Variants in ELP1 observed in about 807,000 individuals in gnomAD.
ELP1 encodes the protein elongator complex protein 1.
In ELP1, 131 loss-of-function variants were observed where a neutral mutation model predicts 183.2. The ratio of observed to expected loss-of-function variants is 0.72; its 90% CI spans 0.62 to 0.83. The LOEUF is 0.83. Among genes scored for constraint, ELP1 ranks in the 40% least tolerant of loss-of-function variants. ELP1 has a pLI of 0.00. For synonymous variants in ELP1, 555 were observed against 569.0 expected (o/e 0.98, Z 0.35); for missense variants, 1,550 against 1,594.9 (o/e 0.97, Z 0.48).
intron 5 of ELP1, 71 bp downstream of exon 5, chr9:108,926,452 T>C: frequency 3.6e-6 from 4 of 1,126,096 alleles, no homozygotes; most frequent in Non-Finnish European, 4.0e-6. Context: ...ACATGGCTAT[T>C]AGTGCACAAG....
chr9:108,920,957 ATCT>A (rs1484682047), intron 6 of ELP1, among the ~76,000 whole-genome samples: 2 of 152,120 alleles, frequency 1.3e-5, no homozygotes, highest in African/African-American at 2.4e-5. Context: ...GTAAAGTGTC[ATCT>A]TCTCCAGAGT....
At chr9:108,885,727 C>T (rs531607208) in intron 29 of ELP1, among the ~76,000 whole-genome samples, 5 of 152,178 alleles carry the variant, frequency 3.3e-5, no homozygotes, top group Non-Finnish European at 5.9e-5. Flanking sequence ...AGGGAAAGCA[C>T]CAACTCTCTC....
rs557977597 is a variant in ELP1, at chr9:108,886,208, G to A, written c.3222+3124C>T. Among the ~76,000 whole-genome samples the A allele has an allele frequency of 3.3e-5, 5 of 152,202 alleles. No individual in the cohort carries two copies. The South Asian group carries it at 1.0e-3, about 32-fold the overall frequency. On this transcript the variant is annotated intron_variant, in intron 29 of 36. Coordinates refer to ENST00000374647, the MANE Select transcript of ELP1 (RefSeq NM_003640.5). ...CTAGGTAAAGTCTGTAATTGTTTAT[G>A]GTCAGGTCTGAAACATCACACATAG...
intron 16 of ELP1, among the ~76,000 whole-genome samples, chr9:108,902,383 G>C (rs571318865): frequency 1.3e-5 from 2 of 152,194 alleles, no homozygotes; most frequent in Non-Finnish European, 2.9e-5. Flanking sequence ...CCAACAAAGG[G>C]AATCATTACA....
At position 108,917,467 on chromosome 9, in the gene ELP1, CAA is replaced by C. The variant is rs34189987; in HGVS notation, c.864+78_864+79del. 0.049 allele frequency: 57,583 copies of C among 1,166,378 alleles called. 172 individuals carry two copies. The highest frequency in any genetic ancestry group is 0.11 in the African/African-American group (6,393 of 57,862). 72.3% of individuals were successfully genotyped at this position (1,166,378 alleles called of 1,614,324 possible). On this transcript the variant is annotated intron_variant, in intron 9 of 36. Coordinates refer to ENST00000374647, the MANE Select transcript of ELP1 (RefSeq NM_003640.5). Reference sequence around the variant, plus strand: ...GGGCAACAAGAATGAAACTCCATCTCAAAAAAAAAAAAAAAAAATTCCCTCTA... The same window carrying C: ...GGGCAACAAGAATGAAACTCCATCTCAAAAAAAAAAAAAAAATTCCCTCTA...
At chr9:108,902,506 G>A (rs1275458957) in intron 16 of ELP1, among the ~76,000 whole-genome samples, 5 of 152,150 alleles carry the variant, frequency 3.3e-5, no homozygotes, top group African/African-American at 1.2e-4. Flanking sequence ...AGTATGTGTT[G>A]AATAAAAATC....
intron 12 of ELP1, 54 bp from the exon 13 acceptor site, chr9:108,908,458 T>C (rs1587904804): frequency 1.5e-6 from 2 of 1,315,130 alleles, no homozygotes; most frequent in Admixed American, 1.7e-5. Context: ...TTTCACCTAA[T>C]ACTAAGGGGA....
rs370384351 is a variant in ELP1 at position 108,927,458 on chromosome 9, G to A, written c.304-5C>T. Reference sequence around the variant, plus strand: ...TACACTCCCAACACACTCCAGCTGAGACAGAGAAAATTGAAAAGAGAGATT... The same window carrying A: ...TACACTCCCAACACACTCCAGCTGAAACAGAGAAAATTGAAAAGAGAGATT... On this transcript the variant is annotated splice_region_variant and splice_polypyrimidine_tract_variant and intron_variant, in intron 3 of 36. Coordinates refer to ENST00000374647, the MANE Select transcript of ELP1 (RefSeq NM_003640.5). 131 of 1,611,386 alleles carry A rather than the reference G, an allele frequency of 8.1e-5. No homozygotes were observed. Among genetic ancestry groups the A allele is most frequent in the Non-Finnish European group, 1.1e-4 (124 of 1,177,786 alleles).
intron 15 of ELP1, 49 bp from the exon 16 acceptor site, chr9:108,902,991 A>G: frequency 1.4e-6 from 2 of 1,384,358 alleles, no homozygotes; most frequent in Non-Finnish European, 2.1e-6. Context: ...CGCTCTTTGC[A>G]AAAAACCATC....
intron 27 of ELP1, 146 bp downstream of exon 27, chr9:108,892,840 C>G: frequency 2.9e-6 from 2 of 700,394 alleles, no homozygotes; most frequent in South Asian, 3.0e-5. Context: ...GGACCATTCT[C>G]CCAGATAAGA....
chr9:108,926,932 C>T (rs1829841301), intron 4 of ELP1, among the ~76,000 whole-genome samples: 1 of 152,146 alleles, frequency 6.6e-6, no homozygotes, highest in African/African-American at 2.4e-5. Flanking sequence ...GTTTACTAAA[C>T]TCATCTGGAA....
intron 25 of ELP1, among the ~76,000 whole-genome samples, chr9:108,895,663 A>G (rs1828515765): frequency 6.6e-6 from 1 of 152,222 alleles, no homozygotes; most frequent in Admixed American, 6.5e-5. Context: ...CTCATGAAGT[A>G]TTTTAAGCAG....
chr9:108,890,364 C>T (rs1828277213), intron 28 of ELP1, among the ~76,000 whole-genome samples: 1 of 152,120 alleles, frequency 6.6e-6, no homozygotes, highest in African/African-American at 2.4e-5. Flanking sequence ...CAAAGAAGGA[C>T]TGGTACATAA....
In ELP1 at chr9:108,912,442, G is replaced by A; in HGVS notation, c.1011C>T (p.Ser337=). 6.2e-7 allele frequency: 1 copy of A among 1,614,134 alleles called. No homozygotes were observed. The highest frequency in any genetic ancestry group is 2.2e-5 in the East Asian group (1 of 44,862). The change falls in exon 11 of 37, where the codon TCC becomes TCT. Residue 337 remains serine, a synonymous_variant. Coordinates refer to ENST00000374647, the MANE Select transcript of ELP1 (RefSeq NM_003640.5). ...NYHWYLKQSL[S]FSTCGKSKIV... is the part of the protein sequence containing the mutation. ...TCTTGCTCTTCCCACAGGTGCTGAA[G>A]GATAAACTTTGCTTGAGATACCAGT...
intron 11 of ELP1, 113 bp downstream of exon 11, chr9:108,912,151 C>T: frequency 1.2e-6 from 1 of 849,928 alleles, no homozygotes; most frequent in Non-Finnish European, 2.0e-6. Context: ...ACAAGTAACC[C>T]AAACAGCCAA....
chr9:108,879,420 A>G, intron 33 of ELP1, 26 bp downstream of exon 33: 1 of 1,524,048 alleles, frequency 6.6e-7, no homozygotes, highest in South Asian at 1.1e-5. Flanking sequence ...GATATAGTCA[A>G]TGTGCTGAAT....
At chr9:108,906,195 A>T in intron 14 of ELP1, 108 bp downstream of exon 14, 1 of 1,044,842 alleles carries the variant, frequency 9.6e-7, no homozygotes, top group Non-Finnish European at 1.5e-6. Context: ...CAAGAAAGCT[A>T]CTGCTCCTCA....
intron 32 of ELP1, among the ~76,000 whole-genome samples, 195 bp downstream of exon 32, chr9:108,879,857 T>C (rs1827853704): frequency 6.6e-6 from 1 of 152,150 alleles, no homozygotes; most frequent in Non-Finnish European, 1.5e-5. Flanking sequence ...GCTCTCCCCA[T>C]TCATGCTTGG....
Position 108,869,133 on chromosome 9 carries a change from C to T in ELP1, c.3981G>A (p.Lys1327=). 1 of 1,614,190 alleles carries T rather than the reference C, an allele frequency of 6.2e-7. No homozygotes were observed. Among genetic ancestry groups the T allele is most frequent in the East Asian group, 2.2e-5 (1 of 44,886 alleles). The change falls in exon 37 of 37, where the codon AAG becomes AAA. Residue 1327 remains lysine, a synonymous_variant. Transcript: ENST00000374647. ...CAGTCACTCAGTCTAGCAGGCTCAG[C>T]TTCCACTGGGTTCTTCTGTTGATCT... ...PPKINRRTQW[K]LSLLD
Sources: allele counts gnomAD v4.1 joint callset (sites outside exome capture counted in the v4.1 genomes callset), GRCh38; gene constraint gnomAD v4.1.1; transcripts MANE v1.5; gene names NCBI Gene and HGNC (gene_info 2026-07-23, HGNC 2026-07-21).